Variants in EGF observed in about 807,000 individuals in gnomAD.
The protein encoded by EGF is pro-epidermal growth factor.
In EGF, 95 loss-of-function variants were observed where a neutral mutation model predicts 143.8. That is an observed-to-expected ratio of 0.66 (90% CI 0.56 to 0.78). The LOEUF (loss-of-function observed/expected upper bound fraction) is 0.78, where lower values mean the gene tolerates loss of function less well. EGF is among the 30% of genes least tolerant of loss of function. EGF has a pLI of 0.00. For synonymous variants in EGF, 510 were observed against 510.5 expected, an observed-to-expected ratio of 1.00 and a Z score of 0.01; for missense variants, 1,320 against 1,470.9, an observed-to-expected ratio of 0.90 and a Z score of 1.68.
rs946751672 is a variant in EGF at position 109,975,895 on chromosome 4, C to T, written c.1830-117C>T. ...CAGCGCTATCTCTTCTTCTGTATTC[C>T]TTAGTGTACCACTTTAGTATATCAT... is the stretch of plus-strand genomic sequence containing the variant. On this transcript the variant is annotated intron_variant, in intron 12 of 23. Coordinates refer to ENST00000265171, the MANE Select transcript of EGF (RefSeq NM_001963.6). The T allele has an allele frequency of 2.6e-6, 3 of 1,158,742 alleles. No homozygotes were observed. The African/African-American group carries it at 4.5e-5, about 18-fold the overall frequency. 71.8% of individuals were successfully genotyped at this position (1,158,742 alleles called of 1,614,324 possible).
intron 22 of EGF, among the ~76,000 whole-genome samples, chr4:110,006,496 A>G (rs960570385): frequency 5.9e-5 from 9 of 152,194 alleles, no homozygotes; most frequent in Admixed American, 5.2e-4. Flanking sequence ...TTCAGTCTTT[A>G]TCAGTCTTTA....
intron 3 of EGF, among the ~76,000 whole-genome samples, 161 bp downstream of exon 3, chr4:109,943,596 A>C (rs1742300830): frequency 6.6e-6 from 1 of 152,198 alleles, no homozygotes; most frequent in African/African-American, 2.4e-5. Flanking sequence ...CCTGCATTTC[A>C]ACTGAGACAG....
intron 14 of EGF, 83 bp downstream of exon 14, chr4:109,980,222 G>C (rs771716284): frequency 1.5e-5 from 21 of 1,401,134 alleles, no homozygotes; most frequent in Non-Finnish European, 2.0e-5. Context: ...CAGTTGGCGG[G>C]GGGGTGGAGG....
intron 5 of EGF, among the ~76,000 whole-genome samples, chr4:109,954,475 A>C (rs1744469167): frequency 1.3e-5 from 2 of 151,982 alleles, no homozygotes; most frequent in Non-Finnish European, 2.9e-5. Context: ...TTCTTTTTTT[A>C]CTGTAATTAG....
chr4:109,915,431 G>A (rs1302387481), intron 1 of EGF, among the ~76,000 whole-genome samples: 1 of 152,194 alleles, frequency 6.6e-6, no homozygotes, highest in Non-Finnish European at 1.5e-5. Context: ...CTCTGATCAA[G>A]TCATACGATG....
chr4:109,967,355 A>G (rs1372894185), intron 10 of EGF, among the ~76,000 whole-genome samples: 1 of 152,204 alleles, frequency 6.6e-6, no homozygotes. Flanking sequence ...GGTTGTAGGC[A>G]TATGACTTTA....
At chr4:109,974,926 G>T in intron 12 of EGF, 119 bp downstream of exon 12, 2 of 707,068 alleles carry the variant, frequency 2.8e-6, no homozygotes, top group Middle Eastern at 2.4e-4. Context: ...CAAATCTTCA[G>T]CATGAATTCC....
Position 109,962,008 on chromosome 4 carries a change from C to T in EGF, c.1312+23C>T, listed in dbSNP as rs11568944. The T allele has an allele frequency of 2.9e-4, 469 of 1,612,770 alleles. No individual in the cohort carries two copies. In the African/African-American group the frequency reaches 5.6e-3, roughly 19 times the overall value. On this transcript the variant is annotated intron_variant, in intron 8 of 23. Transcript: ENST00000265171. Reference sequence around the variant, plus strand: ...GCGGTGAGTTTATTTGCTTTATTTACCTTTTGTTTGTTTGAAAACATACAT... The same window carrying T: ...GCGGTGAGTTTATTTGCTTTATTTATCTTTTGTTTGTTTGAAAACATACAT...
intron 14 of EGF, 102 bp from the exon 15 acceptor site, chr4:109,980,724 C>A: frequency 7.6e-7 from 1 of 1,307,904 alleles, no homozygotes; most frequent in Non-Finnish European, 1.1e-6. Flanking sequence ...GCATTTCTCT[C>A]CCTAAAAGCT....
At chr4:109,982,354 G>T (rs976847656) in intron 15 of EGF, among the ~76,000 whole-genome samples, 2 of 151,292 alleles carry the variant, frequency 1.3e-5, no homozygotes, top group African/African-American at 2.4e-5. Flanking sequence ...TTGAGACAGG[G>T]TCTTGCTCTG....
At position 110,011,384 on chromosome 4, in the gene EGF, C is replaced by T; in HGVS notation, c.3553C>T (p.Leu1185Phe). 2 of 1,614,192 alleles carry T rather than the reference C, an allele frequency of 1.2e-6. No homozygotes were observed. The highest frequency in any genetic ancestry group is 1.7e-6 in the Non-Finnish European group (2 of 1,180,030). Residue 1185 changes from leucine (L) to phenylalanine (F), a missense_variant, in exon 24 of 24, where the codon CTC (leucine) becomes TTC (phenylalanine). Around this residue, in one of 5 missense-constraint regions of EGF, gnomAD observed 1,186 missense variants for 1,313.7 expected, o/e 0.90. Coordinates refer to ENST00000265171, the MANE Select transcript of EGF (RefSeq NM_001963.6). ...LEGGVEKPHS[L>F]LSANPLWQQR... ...AGGGGGTGTCGAGAAGCCCCATTCTCTCCTATCAGCTAACCCATTATGGCA... is the reference window on the plus strand; with the variant it reads ...AGGGGGTGTCGAGAAGCCCCATTCTTTCCTATCAGCTAACCCATTATGGCA...
chr4:109,941,339 C>A (rs1741894883), intron 2 of EGF, among the ~76,000 whole-genome samples, 194 bp downstream of exon 2: 1 of 152,056 alleles, frequency 6.6e-6, no homozygotes, highest in Non-Finnish European at 1.5e-5. Context: ...TATTTAGAAG[C>A]CCCAAAATGA....
chr4:109,946,031 T>A (rs1742802596), intron 5 of EGF, among the ~76,000 whole-genome samples: 1 of 152,220 alleles, frequency 6.6e-6, no homozygotes, highest in African/African-American at 2.4e-5. Context: ...CATTTTGGAG[T>A]GGCATATTCT....
chr4:109,968,850 G>T (rs1578292777), intron 10 of EGF, 121 bp from the exon 11 acceptor site: 3 of 1,303,478 alleles, frequency 2.3e-6, no homozygotes, highest in Non-Finnish European at 3.3e-6. Flanking sequence ...TTAGTTGCAG[G>T]TGTGCCTATC....
In EGF at chr4:109,970,824, CAA is replaced by C. The variant is rs371512157; in HGVS notation, c.1724+1726_1724+1727del. ...TGGGTGGCAGAGCGAGACTCCGTCTCAAAAAAAAAAAAAAAAAAAAAATCTGT... is the reference window on the plus strand; with the variant it reads ...TGGGTGGCAGAGCGAGACTCCGTCTCAAAAAAAAAAAAAAAAAAAATCTGT... On this transcript the variant is annotated intron_variant, in intron 11 of 23. Transcript: ENST00000265171. Among the ~76,000 whole-genome samples, 182 of 72,954 alleles carry C rather than the reference CAA, an allele frequency of 2.5e-3. 1 individual carries two copies. The highest frequency in any genetic ancestry group is 9.2e-3 in the African/African-American group (168 of 18,200). The allele number at this position is 72,954 out of a possible 152,430, so 47.9% of individuals were successfully genotyped here. A position where few individuals can be genotyped will look rare whatever the true frequency, so the allele number is the denominator to read the frequency against.
intron 20 of EGF, among the ~76,000 whole-genome samples, chr4:109,995,218 T>A (rs1005565192): frequency 3.3e-5 from 5 of 152,100 alleles, no homozygotes; most frequent in African/African-American, 9.7e-5. Context: ...CCTTAAAACT[T>A]TTTTTTTCCA....
intron 5 of EGF, among the ~76,000 whole-genome samples, chr4:109,946,181 A>G (rs1212608931): frequency 6.6e-6 from 1 of 152,182 alleles, no homozygotes; most frequent in Non-Finnish European, 1.5e-5. Flanking sequence ...CCATAGTCTA[A>G]GCAGACAGGT....
At chr4:109,963,098 T>G (rs1373067505) in intron 8 of EGF, 75 bp from the exon 9 acceptor site, 11 of 1,495,186 alleles carry the variant, frequency 7.4e-6, no homozygotes, top group Non-Finnish European at 1.0e-5. Flanking sequence ...AATGGTTGAC[T>G]CGCCCCCATC....
At chr4:109,951,928 C>T (rs574464748) in intron 5 of EGF, among the ~76,000 whole-genome samples, 1 of 152,066 alleles carries the variant, frequency 6.6e-6, no homozygotes, top group Non-Finnish European at 1.5e-5. Flanking sequence ...AGTCAAAACC[C>T]TATTTCTCTC....
Sources: gnomAD v4.1 joint callset for allele counts (sites outside exome capture counted in the v4.1 genomes callset) on GRCh38, gnomAD v4.1.1 for gene constraint, gnomAD v4.1.1 regional missense constraint, MANE v1.5 for transcripts, NCBI Gene and HGNC (gene_info 2026-07-23, HGNC 2026-07-21) for gene names.